HMCN2: variants seen among roughly 807,000 people sequenced by gnomAD.
HMCN2 encodes the protein hemicentin 2, also known as hemicentin-2.
In HMCN2, 325 loss-of-function variants were observed where a neutral mutation model predicts 377.5. That is an observed-to-expected ratio of 0.86 (90% CI 0.79 to 0.94). The LOEUF (loss-of-function observed/expected upper bound fraction) is 0.94, where lower values mean the gene tolerates loss of function less well. HMCN2 is among the 40% of genes least tolerant of loss of function. The probability of loss-of-function intolerance (pLI) is 0.00; values close to 1 mark genes in which losing one functional copy is unlikely to be tolerated. For missense variants in HMCN2, 4,543 were observed against 4,725.3 expected (o/e 0.96, Z 1.13); for synonymous variants, 2,007 against 2,046.8 (o/e 0.98, Z 0.53).
At position 130,265,947 on chromosome 9, in the gene HMCN2, CG is replaced by C; in HGVS notation, c.73del (p.Ala25ArgfsTer5). 1 of 440,650 alleles carries C rather than the reference CG, an allele frequency of 2.3e-6. No individual in the cohort carries two copies. The highest frequency in any genetic ancestry group is 7.7e-5 in the East Asian group (1 of 13,040). 27.3% of individuals were successfully genotyped at this position (440,650 alleles called of 1,614,324 possible). On this transcript the variant is annotated frameshift_variant, in exon 1 of 98. Transcript: ENST00000683500. LOFTEE classifies it high-confidence loss of function. ...VSAAVAVAVA[G>X]APGTVMPPTT... ...CTGCGGCAGTGGCAGTGGCAGTGGC[CG>C]GGGCGCCCGGGACGGTAATGCCCCC...
chr9:130,426,903 C>G (rs578124704), intron 90 of HMCN2, among the ~76,000 whole-genome samples: 1 of 152,234 alleles, frequency 6.6e-6, no homozygotes, highest in African/African-American at 2.4e-5. Context: ...TGTGTCCTTC[C>G]TGCCTCCAGA....
intron 51 of HMCN2, 52 bp downstream of exon 51, chr9:130,376,041 A>T: frequency 2.4e-6 from 2 of 827,924 alleles, no homozygotes; most frequent in Non-Finnish European, 2.9e-6. Flanking sequence ...CCGCCCGGGA[A>T]CCTAGGGGCC....
chr9:130,433,759 T>G lies in HMCN2; in HGVS notation c.*66T>G. The G allele has an allele frequency of 1.6e-6, 2 of 1,266,540 alleles. No homozygotes were observed. Among genetic ancestry groups the G allele is most frequent in the Non-Finnish European group, 2.1e-6 (2 of 958,900 alleles). The allele number at this position is 1,266,540 out of a possible 1,614,324, so 78.5% of individuals were successfully genotyped here. On this transcript the variant is annotated 3_prime_UTR_variant, in exon 98 of 98. Coordinates refer to ENST00000683500, the MANE Select transcript of HMCN2 (RefSeq NM_001291815.2). The stretch of plus-strand genomic sequence containing the variant: ...AGGAAGGGGTCGAGGAGAAGCTTGG[T>G]CCACGCCACCTGCTGTGGCAAGCGG...
Position 130,431,369 on chromosome 9 carries a change from C to G in HMCN2, c.14650C>G (p.Leu4884Val). ...FIRQNGVCTD[L>V]DECRVRNLCQ... The stretch of plus-strand genomic sequence containing the variant: ...CCCCACCCCCATGCCCGGGCCAGAC[C>G]TTGACGAGTGCCGCGTGAGGAACCT... Residue 4884 changes from leucine to valine, a missense_variant and splice_region_variant, in exon 96 of 98, where the codon CTT (leucine) becomes GTT (valine). Leu to Val is a conservative substitution (Grantham distance 32). Coordinates refer to ENST00000683500, the MANE Select transcript of HMCN2 (RefSeq NM_001291815.2). 8.4e-6 allele frequency: 13 copies of G among 1,549,712 alleles called. No homozygotes were observed. Among genetic ancestry groups the G allele is most frequent in the Non-Finnish European group, 1.0e-5 (12 of 1,146,704 alleles).
chr9:130,272,974 T>G (rs1834483360), intron 1 of HMCN2, among the ~76,000 whole-genome samples: 1 of 152,254 alleles, frequency 6.6e-6, no homozygotes, highest in African/African-American at 2.4e-5. Context: ...ACTGTGATTT[T>G]TCTTGGAATT....
intron 4 of HMCN2, among the ~76,000 whole-genome samples, chr9:130,286,814 C>A (rs539026442): frequency 6.6e-6 from 1 of 152,168 alleles, no homozygotes; most frequent in East Asian, 1.9e-4. Flanking sequence ...CCTACAGTGC[C>A]GGGATCTGCG....
intron 3 of HMCN2, 101 bp downstream of exon 3, chr9:130,285,417 C>A: frequency 2.4e-6 from 1 of 408,694 alleles, no homozygotes. Context: ...GAGAGCAGAG[C>A]TGGGCACTTC....
intron 18 of HMCN2, among the ~76,000 whole-genome samples, chr9:130,321,462 G>A (rs927162086): frequency 6.6e-6 from 1 of 152,122 alleles, no homozygotes; most frequent in African/African-American, 2.4e-5. Context: ...AGGCTGCAAA[G>A]AGGTGCCTTC....
At position 130,379,477 on chromosome 9, in the gene HMCN2, G is replaced by A. The variant is rs1841582254; in HGVS notation, c.8431+10G>A. ...GTGTCTGTGCTGCAAGGTGGGTCAG[G>A]GGTGCGTGAAGAAAGTGGGCGCTTT... On this transcript the variant is annotated intron_variant, in intron 54 of 97. Coordinates refer to ENST00000683500, the MANE Select transcript of HMCN2 (RefSeq NM_001291815.2). 5.1e-6 allele frequency: 5 copies of A among 985,102 alleles called. No individual in the cohort carries two copies. Among genetic ancestry groups the A allele is most frequent in the Non-Finnish European group, 6.0e-6 (5 of 829,452 alleles). The allele number at this position is 985,102 out of a possible 1,614,324, so 61.0% of individuals were successfully genotyped here.
At chr9:130,318,410 A>G (rs1279451127) in intron 15 of HMCN2, among the ~76,000 whole-genome samples, 1 of 152,070 alleles carries the variant, frequency 6.6e-6, no homozygotes, top group Non-Finnish European at 1.5e-5. Flanking sequence ...GATGGTGCCC[A>G]GAGGCTGCCG....
intron 79 of HMCN2, 59 bp downstream of exon 79, chr9:130,403,387 G>GT (rs1842945946): frequency 1.6e-6 from 2 of 1,279,682 alleles, no homozygotes; most frequent in Non-Finnish European, 2.0e-6. Context: ...TCTGGGCAGG[G>GT]GGGGAGTCCT....
chr9:130,424,502 AT>A (rs1313718750), intron 87 of HMCN2, among the ~76,000 whole-genome samples: 1 of 151,954 alleles, frequency 6.6e-6, no homozygotes, highest in African/African-American at 2.4e-5. Flanking sequence ...TAATATTTTT[AT>A]TTTTTGTAGA....
At chr9:130,375,212 C>T (rs184566090) in intron 49 of HMCN2, among the ~76,000 whole-genome samples, 6 of 152,310 alleles carry the variant, frequency 3.9e-5, no homozygotes, top group Admixed American at 1.3e-4. Flanking sequence ...CTCTACTCAG[C>T]GGGGAACAAA....
At chr9:130,315,021 G>GA (rs1837455987) in intron 15 of HMCN2, among the ~76,000 whole-genome samples, 1 of 151,800 alleles carries the variant, frequency 6.6e-6, no homozygotes, top group African/African-American at 2.4e-5. Flanking sequence ...CTTTCCCTTG[G>GA]AAAATCCCTG....
Position 130,306,164 on chromosome 9 carries a change from C to G in HMCN2, c.1852C>G (p.His618Asp). 1 of 471,166 alleles carries G rather than the reference C, an allele frequency of 2.1e-6. No individual in the cohort carries two copies. Among genetic ancestry groups the G allele is most frequent in the South Asian group, 1.5e-5 (1 of 64,564 alleles). 29.2% of individuals were successfully genotyped at this position (471,166 alleles called of 1,614,324 possible). A position where few individuals can be genotyped will look rare whatever the true frequency, so the allele number is the denominator to read the frequency against. ...GGTCAGCATCCACACCAGCTCCCAG[C>G]ACTTCTCCCAAGGTGTGGAGGTGAA... is the stretch of plus-strand genomic sequence containing the variant. Reference protein sequence around the residue: ...PQVSIHTSSQHFSQGVEVKVS... With the variant: ...PQVSIHTSSQDFSQGVEVKVS... The change falls in exon 12 of 98, where the codon CAC becomes GAC. Residue 618 changes from histidine to aspartate, a missense_variant. Physicochemically the swap from His to Asp is moderately conservative, Grantham distance 81 (BLOSUM62 -1). Coordinates refer to ENST00000683500, the MANE Select transcript of HMCN2 (RefSeq NM_001291815.2).
intron 24 of HMCN2, among the ~76,000 whole-genome samples, chr9:130,342,055 A>ATAAATAAG (rs1839085958): frequency 6.9e-6 from 1 of 145,858 alleles, no homozygotes; most frequent in Non-Finnish European, 1.6e-5. Flanking sequence ...AAATAAATAA[A>ATAAATAAG]TAAATAAAAG....
rs10122082 is a variant in HMCN2 at position 130,267,085 on chromosome 9, A to G, written c.259+948A>G. The stretch of plus-strand genomic sequence containing the variant: ...TTCAGCCTCCCAAGTAGCTGGGACT[A>G]CAAGCATACGCCACCATGCCTGGCT... On this transcript the variant is annotated intron_variant, in intron 1 of 97. Transcript: ENST00000683500. Among the ~76,000 whole-genome samples, 1,246 of 152,054 alleles carry G rather than the reference A, an allele frequency of 8.2e-3. 12 individuals carry two copies. The highest frequency in any genetic ancestry group is 0.029 in the African/African-American group (1,201 of 41,470).
intron 4 of HMCN2, among the ~76,000 whole-genome samples, chr9:130,290,007 C>T (rs896528257): frequency 1.1e-4 from 16 of 152,264 alleles, no homozygotes; most frequent in African/African-American, 3.4e-4. Context: ...TGCGAAGGGT[C>T]GAGCAGCAGC....
At position 130,289,758 on chromosome 9, in the gene HMCN2, C is replaced by G. The variant is rs1484035193; in HGVS notation, c.612+3448C>G. ...AGGAACTCTCTCTGAAAAAGATTCT[C>G]TGCTAGGGCGAGTGCCCAGGGTGCC... is the stretch of plus-strand genomic sequence containing the variant. On this transcript the variant is annotated intron_variant, in intron 4 of 97. Coordinates refer to ENST00000683500, the MANE Select transcript of HMCN2 (RefSeq NM_001291815.2). Among the ~76,000 whole-genome samples the G allele has an allele frequency of 2.6e-5, 4 of 152,180 alleles. No homozygotes were observed. In the East Asian group the frequency reaches 7.7e-4, roughly 29 times the overall value.
Sources: gnomAD v4.1 joint callset for allele counts (sites outside exome capture counted in the v4.1 genomes callset) on GRCh38, gnomAD v4.1.1 for gene constraint, MANE v1.5 for transcripts, NCBI Gene and HGNC (gene_info 2026-07-23, HGNC 2026-07-21) for gene names.